Variants in CTNND2 observed in about 807,000 individuals in gnomAD.
The protein encoded by CTNND2 is catenin delta-2.
In CTNND2, 22 loss-of-function variants were observed where a neutral mutation model predicts 144.4. The observed-to-expected ratio is 0.15, with a 90% CI of 0.11 to 0.22. The LOEUF (loss-of-function observed/expected upper bound fraction) is 0.22, where lower values mean the gene tolerates loss of function less well. CTNND2 is among the 10% of genes least tolerant of loss of function. The pLI is 1.00. For missense variants in CTNND2, 1,353 were observed against 1,618.8 expected (o/e 0.84, Z 2.82); for synonymous variants, 751 against 695.6 (o/e 1.08, Z -1.25).
intron 9 of CTNND2, among the ~76,000 whole-genome samples, chr5:11,280,148 A>G (rs543827490): frequency 1.3e-5 from 2 of 152,276 alleles, no homozygotes; most frequent in South Asian, 2.1e-4. Flanking sequence ...GCTTTCCCCA[A>G]CCCATCTCTA....
chr5:11,866,126 G>T (rs574274430), intron 1 of CTNND2, among the ~76,000 whole-genome samples: 11 of 152,116 alleles, frequency 7.2e-5, no homozygotes, highest in East Asian at 3.9e-4. Context: ...AACATAGAAA[G>T]ACCTCGTCTC....
At chr5:11,429,511 C>T (rs1763087681) in intron 3 of CTNND2, among the ~76,000 whole-genome samples, 1 of 152,142 alleles carries the variant, frequency 6.6e-6, no homozygotes, top group Non-Finnish European at 1.5e-5. Context: ...CGCAGGCTGC[C>T]AGGACATTCT....
intron 2 of CTNND2, among the ~76,000 whole-genome samples, chr5:11,579,619 C>T (rs1166729065): frequency 6.6e-6 from 1 of 152,094 alleles, no homozygotes; most frequent in African/African-American, 2.4e-5. Flanking sequence ...ATTAGCAGCC[C>T]ATAACAACTT....
chr5:11,704,374 C>A (rs1785597438), intron 2 of CTNND2, among the ~76,000 whole-genome samples: 1 of 152,168 alleles, frequency 6.6e-6, no homozygotes, highest in Non-Finnish European at 1.5e-5. Flanking sequence ...TCACTTCGGT[C>A]AAGAAACAGA....
intron 2 of CTNND2, among the ~76,000 whole-genome samples, chr5:11,685,544 T>A (rs1784610270): frequency 1.3e-5 from 2 of 152,208 alleles, no homozygotes; most frequent in Admixed American, 1.3e-4. Flanking sequence ...CAAATTCTTC[T>A]AACAATGGCT....
At chr5:11,851,663 A>G (rs1186526802) in intron 1 of CTNND2, among the ~76,000 whole-genome samples, 1 of 152,210 alleles carries the variant, frequency 6.6e-6, no homozygotes, top group African/African-American at 2.4e-5. Flanking sequence ...GTCACAGGCA[A>G]TCATGTTTGT....
rs374760883 is a variant in CTNND2, at chr5:11,069,292, G to A, written c.2788+13404C>T. Among the ~76,000 whole-genome samples, 3 of 152,128 alleles carry A rather than the reference G, an allele frequency of 2.0e-5. No homozygotes were observed. The South Asian group carries it at 6.2e-4, about 32-fold the overall frequency. On this transcript the variant is annotated intron_variant, in intron 16 of 21. Transcript: ENST00000304623. ...CGGGGGGTATACAGATTAACACAAA[G>A]AAGTGTAAATAGGGCAAAAATAAAT...
intron 5 of CTNND2, among the ~76,000 whole-genome samples, chr5:11,400,842 G>T (rs1009972849): frequency 6.6e-6 from 1 of 152,216 alleles, no homozygotes; most frequent in African/African-American, 2.4e-5. Flanking sequence ...CAGTGTCACA[G>T]ACATGGTAAC....
chr5:11,485,552 G>C (rs1051621977), intron 3 of CTNND2, among the ~76,000 whole-genome samples: 2 of 152,144 alleles, frequency 1.3e-5, no homozygotes, highest in Non-Finnish European at 2.9e-5. Flanking sequence ...CCTGTTAGTA[G>C]TACAGATATA....
chr5:11,646,922 C>G (rs946341715), intron 2 of CTNND2, among the ~76,000 whole-genome samples: 1 of 152,178 alleles, frequency 6.6e-6, no homozygotes, highest in Admixed American at 6.5e-5. Flanking sequence ...AGTCTCCCTG[C>G]ACACACAGTG....
intron 12 of CTNND2, among the ~76,000 whole-genome samples, chr5:11,118,237 C>T (rs190388222): frequency 8.6e-4 from 131 of 152,228 alleles, no homozygotes; most frequent in Middle Eastern, 3.4e-3. Flanking sequence ...AGAGATAATC[C>T]GAAGGAAAAT....
chr5:11,422,883 C>T (rs759705141), intron 3 of CTNND2, among the ~76,000 whole-genome samples: 2 of 152,186 alleles, frequency 1.3e-5, no homozygotes, highest in Admixed American at 6.5e-5. Context: ...GAAGCAGCAA[C>T]AAATGGTGCA....
intron 6 of CTNND2, among the ~76,000 whole-genome samples, chr5:11,389,108 AT>A (rs1331708880): frequency 1.3e-5 from 2 of 151,960 alleles, no homozygotes; most frequent in African/African-American, 4.8e-5. Flanking sequence ...TGGTCACACC[AT>A]CTAGGCTGTT....
At chr5:11,417,800 G>A (rs1160930385) in intron 3 of CTNND2, among the ~76,000 whole-genome samples, 1 of 152,116 alleles carries the variant, frequency 6.6e-6, no homozygotes, top group African/African-American at 2.4e-5. Context: ...TCTATGTAGA[G>A]ACTCCAGGAA....
chr5:11,033,550 G>A (rs1382807716), intron 16 of CTNND2, among the ~76,000 whole-genome samples: 1 of 152,136 alleles, frequency 6.6e-6, no homozygotes, highest in East Asian at 1.9e-4. Flanking sequence ...TAAAAATCTG[G>A]CCAGGCTTGG....
chr5:11,744,823 T>C (rs1045425775), intron 1 of CTNND2, among the ~76,000 whole-genome samples: 1 of 152,080 alleles, frequency 6.6e-6, no homozygotes, highest in Non-Finnish European at 1.5e-5. Flanking sequence ...CTCGGCCCAC[T>C]GCAACTACCA....
At chr5:11,264,705 G>A (rs1745264177) in intron 9 of CTNND2, among the ~76,000 whole-genome samples, 1 of 152,164 alleles carries the variant, frequency 6.6e-6, no homozygotes, top group African/African-American at 2.4e-5. Context: ...CGAGGCAGGC[G>A]GTTGGCCTGA....
intron 12 of CTNND2, among the ~76,000 whole-genome samples, chr5:11,155,070 G>C (rs547427563): frequency 5.9e-5 from 9 of 152,270 alleles, no homozygotes; most frequent in African/African-American, 2.2e-4. Flanking sequence ...AGAATTTTGG[G>C]GGAAGATTTA....
chr5:11,066,597 T>C (rs1747635082), intron 16 of CTNND2, among the ~76,000 whole-genome samples: 1 of 151,990 alleles, frequency 6.6e-6, no homozygotes, highest in South Asian at 2.1e-4. Flanking sequence ...CCCTGACCAC[T>C]TTGGGCACAT....
Sources: gnomAD v4.1 joint callset for allele counts (sites outside exome capture counted in the v4.1 genomes callset) on GRCh38, gnomAD v4.1.1 for gene constraint, MANE v1.5 for transcripts, NCBI Gene and HGNC (gene_info 2026-07-23, HGNC 2026-07-21) for gene names.